Variants in CEP97 observed in about 807,000 individuals in gnomAD.
The protein encoded by CEP97 is centrosomal protein 97.
Under a neutral mutation model 73.1 loss-of-function variants are expected in CEP97, and 43 were observed. That is an observed-to-expected ratio of 0.59 (90% confidence interval 0.46 to 0.76). CEP97 has a LOEUF of 0.76. CEP97 is among the 30% of genes least tolerant of loss of function. CEP97 has a pLI of 0.00. For missense variants in CEP97, 939 were observed against 1,014.0 expected, an observed-to-expected ratio of 0.93 and a Z score of 1.00; for synonymous variants, 337 against 370.0, an observed-to-expected ratio of 0.91 and a Z score of 1.02.
rs145085462 is a variant in CEP97 at position 101,739,700 on chromosome 3, G to A, written c.728+7046G>A. 2.4e-3 allele frequency among the ~76,000 whole-genome samples: 367 copies of A among 152,208 alleles called. 2 individuals are homozygous for A. The highest frequency in any genetic ancestry group is 8.6e-3 in the African/African-American group (358 of 41,532). On this transcript the variant is annotated intron_variant, in intron 6 of 10. Coordinates refer to ENST00000341893, the MANE Select transcript of CEP97 (RefSeq NM_024548.4). ...AGGTGGGTGGATCATGAGGTCAGAC[G>A]TTAAAGACCGGCCTGGCCAAAATGG...
At chr3:101,726,180 T>C (rs1428331908) in intron 1 of CEP97, among the ~76,000 whole-genome samples, 4 of 152,194 alleles carry the variant, frequency 2.6e-5, no homozygotes, top group African/African-American at 9.7e-5. Context: ...GAACTATACT[T>C]TGATTTTCAA....
intron 6 of CEP97, among the ~76,000 whole-genome samples, chr3:101,751,568 A>G (rs1335222067): frequency 6.6e-6 from 1 of 152,108 alleles, no homozygotes; most frequent in East Asian, 1.9e-4. Flanking sequence ...GTAGGTCACT[A>G]AAGACTTGCT....
At chr3:101,763,925 C>A (rs1466166874) in intron 10 of CEP97, among the ~76,000 whole-genome samples, 1 of 112,844 alleles carries the variant, frequency 8.9e-6, no homozygotes, top group East Asian at 2.6e-4. Context: ...GCATTATTGA[C>A]CCCTTAGTCA....
In CEP97 at chr3:101,768,164, A is replaced by G. The variant is rs1217733752; in HGVS notation, c.*2613A>G. On this transcript the variant is annotated 3_prime_UTR_variant, in exon 11 of 11. Transcript: ENST00000341893. Reference sequence around the variant, plus strand: ...CAGAAGCACAGAATCATACCATGTAAGAGTTGGAAGGAAGCTTAAGAGATT... The same window carrying G: ...CAGAAGCACAGAATCATACCATGTAGGAGTTGGAAGGAAGCTTAAGAGATT... The G allele has an allele frequency of 6.6e-6, 1 of 152,248 alleles. No homozygotes were observed. Among genetic ancestry groups the G allele is most frequent in the Non-Finnish European group, 1.5e-5 (1 of 68,030 alleles). 9.4% of individuals were successfully genotyped at this position (152,248 alleles called of 1,614,324 possible).
intron 6 of CEP97, among the ~76,000 whole-genome samples, chr3:101,733,952 A>G (rs1368231273): frequency 6.6e-6 from 1 of 152,052 alleles, no homozygotes; most frequent in African/African-American, 2.4e-5. Flanking sequence ...TCAGCCTCCC[A>G]AGTAGCTGGA....
chr3:101,760,859 T>TA (rs1220128893), intron 9 of CEP97, among the ~76,000 whole-genome samples: 1 of 146,288 alleles, frequency 6.8e-6, no homozygotes, highest in Non-Finnish European at 1.5e-5. Flanking sequence ...TTTTATTTTT[T>TA]ATCTAAAAAA....
intron 6 of CEP97, among the ~76,000 whole-genome samples, chr3:101,747,481 G>A (rs888715493): frequency 5.9e-5 from 9 of 151,364 alleles, no homozygotes; most frequent in Non-Finnish European, 1.3e-4. Context: ...GGATGGTCTC[G>A]ATCTCCTGAC....
chr3:101,725,877 G>GTTT (rs55666231), intron 1 of CEP97, among the ~76,000 whole-genome samples: 2 of 139,568 alleles, frequency 1.4e-5, no homozygotes. Flanking sequence ...TTTTTTTTTT[G>GTTT]TTTTTTTTTT....
chr3:101,747,732 T>A (rs1938668815), intron 6 of CEP97, among the ~76,000 whole-genome samples: 1 of 151,436 alleles, frequency 6.6e-6, no homozygotes, highest in Non-Finnish European at 1.5e-5. Context: ...GAGCAGGTTG[T>A]TTTAAGTTCC....
intron 6 of CEP97, among the ~76,000 whole-genome samples, chr3:101,746,758 A>G (rs1938629461): frequency 6.6e-6 from 1 of 152,214 alleles, no homozygotes; most frequent in African/African-American, 2.4e-5. Flanking sequence ...AAAATGGGAG[A>G]AAATTTTTGC....
intron 6 of CEP97, among the ~76,000 whole-genome samples, chr3:101,734,779 ACTT>A (rs1212836568): frequency 2.0e-5 from 3 of 152,266 alleles, no homozygotes; most frequent in South Asian, 2.1e-4. Context: ...ACAGTTGTTG[ACTT>A]CTTCTGTGGG....
chr3:101,741,353 A>G (rs1938445256), intron 6 of CEP97, among the ~76,000 whole-genome samples: 1 of 152,250 alleles, frequency 6.6e-6, no homozygotes, highest in Non-Finnish European at 1.5e-5. Flanking sequence ...GGACATAGGC[A>G]TGGGCAAAGA....
intron 6 of CEP97, among the ~76,000 whole-genome samples, chr3:101,737,400 C>T (rs1459446680): frequency 6.6e-6 from 1 of 152,026 alleles, no homozygotes; most frequent in African/African-American, 2.4e-5. Flanking sequence ...GCCAGATTCG[C>T]CAAAGTTGAA....
At chr3:101,756,883 A>G (rs77602130) in intron 7 of CEP97, among the ~76,000 whole-genome samples, 180 bp from the exon 8 acceptor site, 135 of 152,328 alleles carry the variant, frequency 8.9e-4, no homozygotes, top group African/African-American at 3.1e-3. Flanking sequence ...ATTACAAAAT[A>G]AGCTTCTTAA....
In CEP97 at chr3:101,726,811, A is replaced by T. The variant is rs748130519; in HGVS notation, c.186+75A>T. ...AACAAAACAATAAAATAACCTGACA[A>T]AAAGTAACTGTGCAGCCCTAGCAAG... On this transcript the variant is annotated intron_variant, in intron 2 of 10. Coordinates refer to ENST00000341893, the MANE Select transcript of CEP97 (RefSeq NM_024548.4). 6.5e-5 allele frequency: 74 copies of T among 1,135,382 alleles called. 1 individual carries two copies. The highest frequency in any genetic ancestry group is 4.6e-5 in the Non-Finnish European group (37 of 806,994). The allele number at this position is 1,135,382 out of a possible 1,614,324, so 70.3% of individuals were successfully genotyped here.
intron 6 of CEP97, among the ~76,000 whole-genome samples, chr3:101,745,411 A>G (rs1015565045): frequency 1.3e-5 from 2 of 152,002 alleles, no homozygotes; most frequent in African/African-American, 4.8e-5. Context: ...GATGCATGCC[A>G]CCAGAAAAAA....
chr3:101,755,973 T>C (rs940343695), intron 7 of CEP97, among the ~76,000 whole-genome samples: 1 of 152,192 alleles, frequency 6.6e-6, no homozygotes, highest in Non-Finnish European at 1.5e-5. Context: ...CTTCAAGCAG[T>C]TCTCCTGCTT....
intron 6 of CEP97, among the ~76,000 whole-genome samples, chr3:101,743,719 G>C (rs1290834094): frequency 6.6e-6 from 1 of 152,156 alleles, no homozygotes; most frequent in Non-Finnish European, 1.5e-5. Flanking sequence ...TTAAAAGACT[G>C]ATGGCCAGGT....
At chr3:101,745,967 C>T (rs539904712) in intron 6 of CEP97, among the ~76,000 whole-genome samples, 1 of 152,024 alleles carries the variant, frequency 6.6e-6, no homozygotes, top group African/African-American at 2.4e-5. Context: ...CATGTGTTCT[C>T]ATTGTTCAAT....
Sources: gnomAD v4.1 joint callset for allele counts (sites outside exome capture counted in the v4.1 genomes callset) on GRCh38, gnomAD v4.1.1 for gene constraint, MANE v1.5 for transcripts, NCBI Gene and HGNC (gene_info 2026-07-23, HGNC 2026-07-21) for gene names.